RIT2: variants seen among roughly 807,000 people sequenced by gnomAD.
The protein encoded by RIT2 is GTP-binding protein Rit2.
Under a neutral mutation model 23.7 loss-of-function variants are expected in RIT2, and 24 were observed. The ratio of observed to expected loss-of-function variants is 1.01; its 90% CI spans 0.73 to 1.43. RIT2 has a LOEUF of 1.43. Among genes scored for constraint, RIT2 ranks in the 40% most tolerant of loss-of-function variants. The pLI is 0.00. For missense variants in RIT2, 236 were observed against 266.9 expected, an observed-to-expected ratio of 0.88 and a Z score of 0.81; for synonymous variants, 107 against 91.1, an observed-to-expected ratio of 1.17 and a Z score of -0.99.
intron 4 of RIT2, among the ~76,000 whole-genome samples, chr18:42,907,478 A>G (rs908303027): frequency 1.3e-5 from 2 of 152,194 alleles, no homozygotes; most frequent in African/African-American, 4.8e-5. Context: ...ATGCATTTGG[A>G]GAAAAACAAG....
chr18:42,829,510 G>A (rs1752126185), intron 4 of RIT2, among the ~76,000 whole-genome samples: 1 of 152,226 alleles, frequency 6.6e-6, no homozygotes, highest in South Asian at 2.1e-4. Context: ...GACGTTCTGA[G>A]GGAGAGGAGG....
chr18:42,922,127 A>T (rs1175345235), intron 4 of RIT2, among the ~76,000 whole-genome samples: 1 of 152,156 alleles, frequency 6.6e-6, no homozygotes, highest in Admixed American at 6.6e-5. Context: ...TAGATTCTCA[A>T]GTAAAATATA....
intron 3 of RIT2, among the ~76,000 whole-genome samples, chr18:42,940,322 TTATA>T: frequency 7.0e-6 from 1 of 143,536 alleles, no homozygotes; most frequent in South Asian, 2.2e-4. Flanking sequence ...ATAATATAAA[TTATA>T]TACACAATAT....
intron 4 of RIT2, among the ~76,000 whole-genome samples, chr18:42,916,749 C>A (rs910417309): frequency 1.3e-5 from 2 of 152,034 alleles, no homozygotes; most frequent in Non-Finnish European, 2.9e-5. Context: ...CTGACATTAT[C>A]TCATCTGTCC....
intron 4 of RIT2, among the ~76,000 whole-genome samples, chr18:42,812,853 G>A (rs896162962): frequency 3.9e-5 from 6 of 152,132 alleles, no homozygotes; most frequent in African/African-American, 1.4e-4. Flanking sequence ...CTTTAATGTT[G>A]TAATCATACA....
intron 4 of RIT2, among the ~76,000 whole-genome samples, chr18:42,749,466 A>G (rs1472161171): frequency 6.6e-6 from 1 of 151,828 alleles, no homozygotes; most frequent in African/African-American, 2.4e-5. Flanking sequence ...AGGAAATGAT[A>G]AACAGATAAG....
intron 3 of RIT2, among the ~76,000 whole-genome samples, chr18:42,945,631 C>T (rs73473664): frequency 0.011 from 1,645 of 152,258 alleles, 27 homozygotes; most frequent in African/African-American, 0.037. Flanking sequence ...TTACATTTGA[C>T]TTGGTTACTA....
intron 4 of RIT2, among the ~76,000 whole-genome samples, chr18:42,837,147 C>CTTTTTTTTTTTTTTTTTTTT (rs1196949759): frequency 2.1e-5 from 1 of 48,718 alleles, no homozygotes; most frequent in Non-Finnish European, 4.7e-5. Context: ...CTTTTTTTTT[C>CTTTTTTTTTTTTTTTTTTTT]TTTTTCTTTT....
chr18:42,813,908 G>A (rs1292344648), intron 4 of RIT2, among the ~76,000 whole-genome samples: 1 of 152,230 alleles, frequency 6.6e-6, no homozygotes, highest in East Asian at 1.9e-4. Flanking sequence ...CCAAACTGTG[G>A]AAGTGGGAAT....
At chr18:43,019,705 C>T (rs1911552730) in intron 2 of RIT2, among the ~76,000 whole-genome samples, 1 of 151,890 alleles carries the variant, frequency 6.6e-6, no homozygotes, top group Non-Finnish European at 1.5e-5. Context: ...GGCAAGAGAA[C>T]AATATGAAAG....
At chr18:42,869,952 T>C (rs1455959875) in intron 4 of RIT2, among the ~76,000 whole-genome samples, 1 of 152,226 alleles carries the variant, frequency 6.6e-6, no homozygotes, top group African/African-American at 2.4e-5. Flanking sequence ...CCTCCAGACT[T>C]CCCATTGGCC....
At chr18:43,047,975 A>T (rs576925947) in intron 1 of RIT2, among the ~76,000 whole-genome samples, 2 of 152,278 alleles carry the variant, frequency 1.3e-5, no homozygotes, top group South Asian at 2.1e-4. Context: ...GTTGAAGTAC[A>T]TGAGGCCAAT....
At chr18:43,062,110 T>C (rs1340411267) in intron 1 of RIT2, among the ~76,000 whole-genome samples, 1 of 151,988 alleles carries the variant, frequency 6.6e-6, no homozygotes, top group Non-Finnish European at 1.5e-5. Flanking sequence ...CTACTTTCCC[T>C]GGCTCACTGA....
chr18:42,754,609 C>T (rs1331120130), intron 4 of RIT2, among the ~76,000 whole-genome samples: 1 of 152,124 alleles, frequency 6.6e-6, no homozygotes, highest in African/African-American at 2.4e-5. Flanking sequence ...GCTTATCATC[C>T]TTGAGGGAAG....
intron 4 of RIT2, among the ~76,000 whole-genome samples, chr18:42,923,096 C>T (rs1909093231): frequency 6.6e-6 from 1 of 152,116 alleles, no homozygotes; most frequent in Non-Finnish European, 1.5e-5. Flanking sequence ...GTTACAGTTA[C>T]ATGGTGGCTG....
chr18:42,900,480 C>T (rs574334435), intron 4 of RIT2, among the ~76,000 whole-genome samples: 2 of 152,106 alleles, frequency 1.3e-5, no homozygotes, highest in African/African-American at 2.4e-5. Context: ...AGCCTCATTG[C>T]ACTATGCCTT....
chr18:43,027,817 T>C (rs1361386278), intron 2 of RIT2, among the ~76,000 whole-genome samples: 1 of 152,062 alleles, frequency 6.6e-6, no homozygotes, highest in East Asian at 1.9e-4. Context: ...ATAAAAGGTT[T>C]AGGTTTAATT....
intron 4 of RIT2, among the ~76,000 whole-genome samples, chr18:42,842,300 A>G (rs1182080871): frequency 6.6e-6 from 1 of 152,222 alleles, no homozygotes; most frequent in Non-Finnish European, 1.5e-5. Flanking sequence ...TGTCTGGGAA[A>G]TAAAATAGCC....
At chr18:42,817,370 G>T (rs1250823739) in intron 4 of RIT2, among the ~76,000 whole-genome samples, 2 of 152,004 alleles carry the variant, frequency 1.3e-5, no homozygotes, top group Non-Finnish European at 2.9e-5. Context: ...TGATCAGTTT[G>T]ATCTGTAATA....
Sources: gnomAD v4.1 joint callset for allele counts (sites outside exome capture counted in the v4.1 genomes callset) on GRCh38, gnomAD v4.1.1 for gene constraint, MANE v1.5 for transcripts, NCBI Gene and HGNC (gene_info 2026-07-23, HGNC 2026-07-21) for gene names.